Variants in KLHL1 observed in about 807,000 individuals in gnomAD.
KLHL1 encodes the protein kelch like family member 1.
A neutral mutation model predicts 77.7 loss-of-function variants in KLHL1; 47 were observed. That is an observed-to-expected ratio of 0.60 (90% CI 0.48 to 0.77). KLHL1 has a LOEUF of 0.77. KLHL1 is among the 30% of genes least tolerant of loss of function. The probability of loss-of-function intolerance (pLI) is 0.00; values close to 1 mark genes in which losing one functional copy is unlikely to be tolerated. For missense variants in KLHL1, 925 were observed against 910.8 expected, an observed-to-expected ratio of 1.02 and a Z score of -0.20; for synonymous variants, 360 against 325.2, an observed-to-expected ratio of 1.11 and a Z score of -1.15.
At chr13:69,832,186 A>G (rs1457616982) in intron 6 of KLHL1, among the ~76,000 whole-genome samples, 1 of 149,926 alleles carries the variant, frequency 6.7e-6, no homozygotes, top group Admixed American at 6.7e-5. Flanking sequence ...ATATGATTGT[A>G]TACCTAGAAT....
At chr13:69,749,499 G>A (rs1252531330) in intron 7 of KLHL1, among the ~76,000 whole-genome samples, 2 of 151,756 alleles carry the variant, frequency 1.3e-5, no homozygotes, top group African/African-American at 4.8e-5. Context: ...TACTCCCCTT[G>A]AGAATTCTGC....
chr13:69,885,983 T>G (rs1881201747), intron 4 of KLHL1, among the ~76,000 whole-genome samples: 1 of 152,222 alleles, frequency 6.6e-6, no homozygotes, highest in South Asian at 2.1e-4. Flanking sequence ...TCAGGGAGTA[T>G]AGTATGTGAT....
chr13:69,722,332 A>C (rs1873102242), intron 8 of KLHL1, among the ~76,000 whole-genome samples: 1 of 151,982 alleles, frequency 6.6e-6, no homozygotes, highest in Non-Finnish European at 1.5e-5. Flanking sequence ...ATTATTTCAA[A>C]AATTATATAT....
chr13:69,899,193 A>T (rs559842615), intron 4 of KLHL1, among the ~76,000 whole-genome samples: 1 of 152,140 alleles, frequency 6.6e-6, no homozygotes, highest in African/African-American at 2.4e-5. Flanking sequence ...ATGTGATTCG[A>T]CTCGATTTGT....
At chr13:70,084,573 C>G (rs1255769920) in intron 1 of KLHL1, among the ~76,000 whole-genome samples, 1 of 141,458 alleles carries the variant, frequency 7.1e-6, no homozygotes, top group Admixed American at 7.4e-5. Flanking sequence ...ATTTTCCTGC[C>G]TCAGCCTCCC....
chr13:69,972,671 A>C (rs528882680), intron 2 of KLHL1, among the ~76,000 whole-genome samples: 1 of 151,956 alleles, frequency 6.6e-6, no homozygotes, highest in African/African-American at 2.4e-5. Flanking sequence ...CCAACTCAAG[A>C]CTAAGTATAT....
chr13:70,010,471 T>G (rs1885506771), intron 1 of KLHL1, among the ~76,000 whole-genome samples: 1 of 152,128 alleles, frequency 6.6e-6, no homozygotes, highest in South Asian at 2.1e-4. Context: ...AAAGACAAAC[T>G]CAAAATTATT....
chr13:69,984,725 T>G (rs1884814688), intron 1 of KLHL1, among the ~76,000 whole-genome samples: 2 of 152,170 alleles, frequency 1.3e-5, no homozygotes, highest in Non-Finnish European at 2.9e-5. Flanking sequence ...TCACTCCATG[T>G]GTGTCTATGT....
At chr13:69,708,828 T>C (rs1875750305) in intron 9 of KLHL1, among the ~76,000 whole-genome samples, 1 of 151,978 alleles carries the variant, frequency 6.6e-6, no homozygotes, top group Admixed American at 6.6e-5. Context: ...AATAAAACTG[T>C]GAGAAAGGAT....
chr13:69,796,959 G>A lies in KLHL1; in HGVS notation c.1418C>T (p.Ala473Val). Residue 473 changes from alanine (A) to valine (V), a missense_variant, in exon 7 of 11, where the codon GCT (alanine) becomes GTT (valine). By Grantham distance (64) the Ala-to-Val change is moderately conservative. Transcript: ENST00000377844. ...AVGGMDNNKGATTIEKYDLRT... is the reference protein window; with the variant it reads ...AVGGMDNNKGVTTIEKYDLRT... ...CAGATCATATTTCTCTATAGTTGTA[G>A]CTCCTGATAAAACATAAAATCAAAA... The A allele has an allele frequency of 6.2e-7, 1 of 1,612,756 alleles. No homozygotes were observed. The highest frequency in any genetic ancestry group is 8.5e-7 in the Non-Finnish European group (1 of 1,179,030).
At chr13:70,064,207 C>A (rs994609880) in intron 1 of KLHL1, among the ~76,000 whole-genome samples, 15 of 151,998 alleles carry the variant, frequency 9.9e-5, no homozygotes, top group African/African-American at 3.6e-4. Context: ...AACAAAAAAA[C>A]CTTGATATAT....
At chr13:69,771,761 T>A (rs1022216833) in intron 7 of KLHL1, among the ~76,000 whole-genome samples, 3 of 152,144 alleles carry the variant, frequency 2.0e-5, no homozygotes, top group Non-Finnish European at 2.9e-5. Context: ...TTAAAAATAA[T>A]TTTGAGTGAA....
At chr13:69,844,336 T>G (rs1194962711) in intron 5 of KLHL1, among the ~76,000 whole-genome samples, 1 of 151,712 alleles carries the variant, frequency 6.6e-6, no homozygotes, top group African/African-American at 2.4e-5. Context: ...TCAAATACTA[T>G]TTTCCTTTTT....
At chr13:69,862,352 C>A (rs963075675) in intron 5 of KLHL1, among the ~76,000 whole-genome samples, 1 of 151,988 alleles carries the variant, frequency 6.6e-6, no homozygotes, top group African/African-American at 2.4e-5. Context: ...AGAACAAAAT[C>A]TTGAACTTAG....
chr13:69,734,329 C>A (rs1278815501), intron 8 of KLHL1, among the ~76,000 whole-genome samples: 1 of 152,164 alleles, frequency 6.6e-6, no homozygotes, highest in Admixed American at 6.6e-5. Context: ...CATCATCATG[C>A]TTCCTACATA....
intron 5 of KLHL1, among the ~76,000 whole-genome samples, chr13:69,875,781 A>G (rs1593909257): frequency 6.6e-6 from 1 of 152,200 alleles, no homozygotes; most frequent in African/African-American, 2.4e-5. Flanking sequence ...TAGAAGCATT[A>G]TTTATTGTCT....
At chr13:70,050,052 C>T (rs927995939) in intron 1 of KLHL1, among the ~76,000 whole-genome samples, 1 of 151,852 alleles carries the variant, frequency 6.6e-6, no homozygotes, top group Non-Finnish European at 1.5e-5. Flanking sequence ...ACTGCCTTAA[C>T]ATTTTTTACT....
chr13:70,047,399 TTG>T lies in KLHL1; in HGVS notation c.497+59802_497+59803del, dbSNP rs140790054. Among the ~76,000 whole-genome samples, 813 of 149,832 alleles carry T rather than the reference TTG, an allele frequency of 5.4e-3. 11 individuals are homozygous for T. The highest frequency in any genetic ancestry group is 0.017 in the Middle Eastern group (5 of 290). On this transcript the variant is annotated intron_variant, in intron 1 of 10. Coordinates refer to ENST00000377844, the MANE Select transcript of KLHL1 (RefSeq NM_020866.3). ...GAATTAGTGCAAAATGGAAATCTGT[TTG>T]TGTGTGTGTGTGTGTGTGTATAAAT...
chr13:70,050,675 T>C (rs1886608579), intron 1 of KLHL1, among the ~76,000 whole-genome samples: 2 of 152,038 alleles, frequency 1.3e-5, no homozygotes, highest in African/African-American at 4.8e-5. Context: ...TGATGCAAAC[T>C]TCTGCTTCTG....
Sources: allele counts gnomAD v4.1 joint callset (sites outside exome capture counted in the v4.1 genomes callset), GRCh38; gene constraint gnomAD v4.1.1; transcripts MANE v1.5; gene names NCBI Gene and HGNC (gene_info 2026-07-23, HGNC 2026-07-21).